Variants in PRR5 observed in about 807,000 individuals in gnomAD.
PRR5 encodes proline-rich protein 5.
A neutral mutation model predicts 30.6 loss-of-function variants in PRR5; 25 were observed. The ratio of observed to expected loss-of-function variants is 0.82; its 90% CI spans 0.60 to 1.14. The LOEUF (loss-of-function observed/expected upper bound fraction) is 1.14, where lower values mean the gene tolerates loss of function less well. Among genes scored for constraint, PRR5 ranks in the 50% most tolerant of loss-of-function variants. The pLI, the probability that PRR5 is intolerant of heterozygous loss-of-function variation, is 0.00. For synonymous variants in PRR5, 286 were observed against 247.1 expected (o/e 1.16, Z -1.48); for missense variants, 600 against 547.1 (o/e 1.10, Z -0.96).
upstream of PRR5, among the ~76,000 whole-genome samples, chr22:44,673,286 A>T (rs1433507143): frequency 6.6e-6 from 1 of 152,208 alleles, no homozygotes; most frequent in Non-Finnish European, 1.5e-5. Flanking sequence ...TCCGTGCCTC[A>T]GTTTTCTAAT....
chr22:44,727,535 C>T (rs527307847), intron 4 of PRR5, among the ~76,000 whole-genome samples: 2 of 152,310 alleles, frequency 1.3e-5, no homozygotes, highest in African/African-American at 4.8e-5. Flanking sequence ...AAGAAGCCAC[C>T]GTTGTTAGCA....
At chr22:44,730,062 A>G (rs1921659189) in intron 4 of PRR5, 13 of 985,252 alleles carry the variant, frequency 1.3e-5, no homozygotes, top group African/African-American at 1.7e-5. Flanking sequence ...CTGGGAGCCA[A>G]AGATGGGACC....
In PRR5 at chr22:44,702,410, G is replaced by A. The variant is rs974357918; in HGVS notation, c.-65G>A. ...GCGCATCGCCGGCCCGGGGCCCTTG[G>A]TGCGGCGTGGCGCAGGGCGCGGCGT... On this transcript the variant is annotated 5_prime_UTR_variant, in exon 1 of 8. It adds an upstream start codon to the 5' untranslated region. Transcript: ENST00000336985. 8.1e-7 allele frequency: 1 copy of A among 1,237,192 alleles called. No individual in the cohort carries two copies. Among genetic ancestry groups the A allele is most frequent in the Non-Finnish European group, 1.0e-6 (1 of 988,840 alleles). 76.6% of individuals were successfully genotyped at this position (1,237,192 alleles called of 1,614,324 possible). A position where few individuals can be genotyped will look rare whatever the true frequency, so the allele number is the denominator to read the frequency against.
intron 1 of PRR5, among the ~76,000 whole-genome samples, chr22:44,687,280 C>T (rs1195912703): frequency 6.6e-6 from 1 of 152,230 alleles, no homozygotes; most frequent in African/African-American, 2.4e-5. Flanking sequence ...ATTGTCTTTG[C>T]ATTTGGAACA....
intron 7 of PRR5, among the ~76,000 whole-genome samples, chr22:44,736,265 T>G (rs1923237861): frequency 6.6e-6 from 1 of 152,204 alleles, no homozygotes; most frequent in Admixed American, 6.5e-5. Flanking sequence ...AATCCCCGCC[T>G]TGACCTTACA....
At position 44,706,807 on chromosome 22, in the gene PRR5, C is replaced by A. The variant is rs1927278015; in HGVS notation, c.134+4199C>A. On this transcript the variant is annotated intron_variant, in intron 1 of 7. Coordinates refer to ENST00000336985, the MANE Select transcript of PRR5 (RefSeq NM_181333.4). ...TCTCCCAGAGTGCTGGGATTACAGG[C>A]ATGAGCCACTGCACTTGGGCCAGGG... Among the ~76,000 whole-genome samples the A allele has an allele frequency of 3.3e-5, 5 of 152,282 alleles. 1 individual carries two copies. In the South Asian group the frequency reaches 1.0e-3, roughly 32 times the overall value.
chr22:44,702,152 GC>G (rs1023573355), upstream of PRR5: 3 of 237,818 alleles, frequency 1.3e-5, no homozygotes, highest in South Asian at 1.6e-4. Context: ...TCCCCGCCCC[GC>G]CCCCCGGGGC....
rs1461661901 is a variant in PRR5, at chr22:44,726,636, TGAGTGTG to T, written c.322+4_322+10del. ...GGGACAAGATTCGCTTCTATGAGGGTGAGTGTGGGCCCCTTGGCGGCCACTCTGGGCC... is the reference window on the plus strand; with the variant it reads ...GGGACAAGATTCGCTTCTATGAGGGTGGCCCCTTGGCGGCCACTCTGGGCC... On this transcript the variant is annotated splice_donor_5th_base_variant and intron_variant, in intron 4 of 7. Coordinates refer to ENST00000336985, the MANE Select transcript of PRR5 (RefSeq NM_181333.4). 2 of 1,613,886 alleles carry T rather than the reference TGAGTGTG, an allele frequency of 1.2e-6. No individual in the cohort carries two copies. Among genetic ancestry groups the T allele is most frequent in the Admixed American group, 3.3e-5 (2 of 60,004 alleles).
At chr22:44,705,859 C>T (rs1033253057) in intron 1 of PRR5, among the ~76,000 whole-genome samples, 1 of 151,988 alleles carries the variant, frequency 6.6e-6, no homozygotes, top group African/African-American at 2.4e-5. Flanking sequence ...GGTGCAATCT[C>T]AGCTCATTGC....
At chr22:44,682,492 A>G (rs547200717) in intron 1 of PRR5, among the ~76,000 whole-genome samples, 5 of 152,246 alleles carry the variant, frequency 3.3e-5, no homozygotes, top group Admixed American at 1.3e-4. Flanking sequence ...CTCTGTGCCC[A>G]TAGGTGAAAT....
intron 2 of PRR5, among the ~76,000 whole-genome samples, chr22:44,719,360 G>A (rs1265910993): frequency 2.6e-5 from 4 of 152,098 alleles, no homozygotes; most frequent in African/African-American, 9.7e-5. Context: ...GGCGTGAGCC[G>A]CTGCACCTGG....
rs779405045 is a variant in PRR5, at chr22:44,708,670, G to A, written c.135-5921G>A. Among the ~76,000 whole-genome samples the A allele has an allele frequency of 2.8e-3, 420 of 152,140 alleles. 5 individuals carry two copies. The highest frequency in any genetic ancestry group is 9.8e-3 in the African/African-American group (407 of 41,508). ...ATTTTGCAGATGAGCAAACAGGCTC[G>A]GAATGGTACAGGGAGGCCAAACGCC... On this transcript the variant is annotated intron_variant, in intron 1 of 7. Coordinates refer to ENST00000336985, the MANE Select transcript of PRR5 (RefSeq NM_181333.4).
At chr22:44,679,752 C>T in intron 1 of PRR5, 1 of 1,494,670 alleles carries the variant, frequency 6.7e-7, no homozygotes, top group South Asian at 1.2e-5. Flanking sequence ...CCTCCCCGCT[C>T]TGGGACACTC....
In PRR5 at chr22:44,725,315, A is replaced by G. The variant is rs200344209; in HGVS notation, c.264+23A>G. 6.8e-5 allele frequency: 110 copies of G among 1,612,068 alleles called. No individual in the cohort carries two copies. The East Asian group carries it at 2.4e-3, about 35-fold the overall frequency. On this transcript the variant is annotated intron_variant, in intron 3 of 7. Coordinates refer to ENST00000336985, the MANE Select transcript of PRR5 (RefSeq NM_181333.4). ...CAGGTAGGTGGGTCTTGCTCCAGCC[A>G]GGCTGGGCCTGCCTCATGAGCCAGC...
chr22:44,723,171 A>G (rs918966572), intron 2 of PRR5, among the ~76,000 whole-genome samples: 5 of 151,858 alleles, frequency 3.3e-5, no homozygotes, highest in East Asian at 3.9e-4. Context: ...TTTTTAGTAG[A>G]TGGGGTGTCA....
chr22:44,687,434 C>T (rs1295089243), intron 1 of PRR5, among the ~76,000 whole-genome samples: 1 of 152,166 alleles, frequency 6.6e-6, no homozygotes, highest in African/African-American at 2.4e-5. Context: ...TTGGGTTAGG[C>T]TTTATAAATA....
intron 2 of PRR5, among the ~76,000 whole-genome samples, chr22:44,724,704 T>C (rs1343343435): frequency 6.6e-6 from 1 of 152,112 alleles, no homozygotes; most frequent in African/African-American, 2.4e-5. Context: ...GTGGACCTGG[T>C]CTGGTGTCTT....
chr22:44,718,688 C>T (rs1929481264), intron 2 of PRR5, among the ~76,000 whole-genome samples: 1 of 152,184 alleles, frequency 6.6e-6, no homozygotes, highest in Non-Finnish European at 1.5e-5. Context: ...ATTTCCAGTG[C>T]TTTCATTCCG....
rs906069546 is a variant in PRR5, at chr22:44,710,919, A to G, written c.135-3672A>G. On this transcript the variant is annotated intron_variant, in intron 1 of 7. Transcript: ENST00000336985. ...GCAGGGCAGGGCGTGCTGACCTTAC[A>G]GCACCCCGGGCGGTCGGCACTGTAC... 5.9e-5 allele frequency among the ~76,000 whole-genome samples: 9 copies of G among 152,282 alleles called. No individual in the cohort carries two copies. In the East Asian group the frequency reaches 1.5e-3, roughly 26 times the overall value.
Sources: gnomAD v4.1 joint callset for allele counts (sites outside exome capture counted in the v4.1 genomes callset) on GRCh38, gnomAD v4.1.1 for gene constraint, MANE v1.5 for transcripts, NCBI Gene and HGNC (gene_info 2026-07-23, HGNC 2026-07-21) for gene names.